Variants in MMP24 observed in about 807,000 individuals in gnomAD.
The protein encoded by MMP24 is matrix metallopeptidase 24, also known as matrix metalloproteinase-24.
In MMP24, 25 loss-of-function variants were observed where a neutral mutation model predicts 62.8. The ratio of observed to expected loss-of-function variants is 0.40; its 90% CI spans 0.29 to 0.56. The LOEUF (loss-of-function observed/expected upper bound fraction) is 0.56, where lower values mean the gene tolerates loss of function less well. Among genes scored for constraint, MMP24 ranks in the 20% least tolerant of loss-of-function variants. MMP24 has a pLI of 0.50. For synonymous variants in MMP24, 319 were observed against 350.5 expected (o/e 0.91, Z 1.00); for missense variants, 634 against 853.6 (o/e 0.74, Z 3.21).
Position 35,226,772 on chromosome 20 carries a change from G to T in MMP24, c.34G>T (p.Gly12Trp). ...GAGCCGGGGCGGCCGCGCCGCGCCG[G>T]GGCCGCCGCCGCCGCCGCCGCCGCC... ...PRSRGGRAAP[G>W]PPPPPPPPGQ... is the part of the protein sequence containing the mutation. The change falls in exon 1 of 9, where the codon GGG becomes TGG. Residue 12 changes from glycine (G) to tryptophan (W), a missense_variant. This residue lies in a region of MMP24 where 212 missense variants were observed against 259.6 expected (regional missense o/e 0.82). Transcript: ENST00000246186. The T allele has an allele frequency of 2.3e-6, 2 of 886,230 alleles. No individual in the cohort carries two copies. The highest frequency in any genetic ancestry group is 2.7e-6 in the Non-Finnish European group (2 of 754,080). 54.9% of individuals were successfully genotyped at this position (886,230 alleles called of 1,614,324 possible). A position where few individuals can be genotyped will look rare whatever the true frequency, so the allele number is the denominator to read the frequency against.
chr20:35,249,592 CT>C (rs573444436), intron 2 of MMP24, among the ~76,000 whole-genome samples: 10,752 of 143,668 alleles, frequency 0.075, 910 homozygotes, highest in African/African-American at 0.22. Context: ...ATAATAATTT[CT>C]TTTTTTTTTT....
chr20:35,228,924 G>A (rs2060426609), intron 1 of MMP24, among the ~76,000 whole-genome samples: 1 of 152,172 alleles, frequency 6.6e-6, no homozygotes, highest in Admixed American at 6.6e-5. Flanking sequence ...CATAAAGGAA[G>A]GTTGGTTTCT....
intron 7 of MMP24, among the ~76,000 whole-genome samples, 181 bp downstream of exon 7, chr20:35,270,079 C>A (rs936827561): frequency 2.6e-5 from 4 of 152,106 alleles, no homozygotes; most frequent in African/African-American, 9.7e-5. Context: ...CTGTATGTGC[C>A]GAGATTGGTG....
intron 1 of MMP24, chr20:35,236,065 C>T (rs1321356255): frequency 6.6e-6 from 1 of 152,224 alleles, no homozygotes; most frequent in Non-Finnish European, 1.5e-5. Flanking sequence ...CAGGGAATTC[C>T]CGCTAGTGCA....
At chr20:35,235,249 C>G (rs1471780376) in intron 1 of MMP24, among the ~76,000 whole-genome samples, 1 of 151,952 alleles carries the variant, frequency 6.6e-6, no homozygotes, top group Non-Finnish European at 1.5e-5. Flanking sequence ...ACAAAAAATA[C>G]AAAGATTAGC....
At chr20:35,242,251 G>C (rs889648251) in intron 1 of MMP24, among the ~76,000 whole-genome samples, 1 of 152,138 alleles carries the variant, frequency 6.6e-6, no homozygotes, top group East Asian at 1.9e-4. Flanking sequence ...AGAATTGCTT[G>C]AACCTGGGAG....
intron 1 of MMP24, among the ~76,000 whole-genome samples, chr20:35,242,743 G>A (rs958368335): frequency 1.3e-5 from 2 of 152,180 alleles, no homozygotes; most frequent in African/African-American, 4.8e-5. Context: ...CAGTCTTCTG[G>A]GAGATGCTGT....
intron 4 of MMP24, among the ~76,000 whole-genome samples, chr20:35,256,928 G>C (rs1209749042): frequency 6.6e-6 from 1 of 152,072 alleles, no homozygotes; most frequent in African/African-American, 2.4e-5. Flanking sequence ...ACCAATGGGG[G>C]TTCTTGTTAT....
Position 35,251,927 on chromosome 20 carries a change from G to T in MMP24, c.418G>T (p.Gly140Cys), listed in dbSNP as rs748814305. ...TIEWMKKPRC[G>C]VPDHPHLSRR... ...CAGGTGGATGAAGAAACCCCGATGT[G>T]GTGTCCCTGATCACCCCCACTTAAG... Residue 140 changes from glycine (G) to cysteine (C), a missense_variant, in exon 3 of 9, where the codon GGT becomes TGT. Physicochemically the swap from Gly to Cys is radical, Grantham distance 159. This residue lies in a region of MMP24 where 212 missense variants were observed against 259.6 expected (regional missense o/e 0.82). Coordinates refer to ENST00000246186, the MANE Select transcript of MMP24 (RefSeq NM_006690.4). 20 of 1,613,936 alleles carry T rather than the reference G, an allele frequency of 1.2e-5. 1 individual carries two copies. In the South Asian group the frequency reaches 2.1e-4, roughly 17 times the overall value.
chr20:35,244,017 A>G (rs2060501111), intron 1 of MMP24, among the ~76,000 whole-genome samples: 1 of 152,210 alleles, frequency 6.6e-6, no homozygotes, highest in Non-Finnish European at 1.5e-5. Context: ...GTATCATCAG[A>G]TGGATTTTAT....
chr20:35,267,536 A>G, intron 6 of MMP24, 117 bp downstream of exon 6: 1 of 1,105,146 alleles, frequency 9.0e-7, no homozygotes, highest in Non-Finnish European at 1.3e-6. Flanking sequence ...GGGCCTGGAC[A>G]GGAGCTAGCC....
Position 35,274,398 on chromosome 20 carries a change from G to T in MMP24, c.1727G>T (p.Arg576Leu). The change falls in exon 9 of 9, where the codon CGG becomes CTG. Residue 576 changes from arginine (R) to leucine (L), a missense_variant. Arg to Leu is a moderately radical substitution (Grantham distance 102). This residue lies in a region of MMP24 where 399 missense variants were observed against 530.8 expected (regional missense o/e 0.75). Coordinates refer to ENST00000246186, the MANE Select transcript of MMP24 (RefSeq NM_006690.4). The surrounding 1 kb of genome is among the most constrained non-coding windows in gnomAD (Gnocchi z 5.1). ...WMGCNQKEVE[R>L]RKERRLPQDD... ...GGCTGCAACCAGAAGGAGGTGGAGC[G>T]GCGGAAGGAGCGGCGGCTGCCCCAG... 1.9e-6 allele frequency: 3 copies of T among 1,613,912 alleles called. No homozygotes were observed. The highest frequency in any genetic ancestry group is 2.5e-6 in the Non-Finnish European group (3 of 1,179,826).
chr20:35,240,200 T>G (rs1239448638), intron 1 of MMP24, among the ~76,000 whole-genome samples: 1 of 152,112 alleles, frequency 6.6e-6, no homozygotes, highest in African/African-American at 2.4e-5. Context: ...CTGTGCACAT[T>G]TTGTTCTCCT....
At chr20:35,230,397 C>T (rs1261802986) in intron 1 of MMP24, among the ~76,000 whole-genome samples, 1 of 152,172 alleles carries the variant, frequency 6.6e-6, no homozygotes, top group Non-Finnish European at 1.5e-5. Context: ...GAACAAAATC[C>T]CTGATTCTCA....
At chr20:35,227,677 T>G (rs1448302187) in intron 1 of MMP24, among the ~76,000 whole-genome samples, 1 of 152,122 alleles carries the variant, frequency 6.6e-6, no homozygotes, top group Non-Finnish European at 1.5e-5. Context: ...GATGCATACA[T>G]CATCATCACA....
intron 2 of MMP24, among the ~76,000 whole-genome samples, chr20:35,248,456 C>G (rs183454184): frequency 1.3e-5 from 2 of 152,146 alleles, no homozygotes; most frequent in Admixed American, 1.3e-4. Flanking sequence ...CAGGCATGTA[C>G]CACCATGCTG....
rs1156728462 is a variant in MMP24, at chr20:35,269,446, G to A, written c.1195-314G>A. ...GACCAGTCTGGCTGATGTCAGTGACGCTCCACTGCCCCCATGTGGCCACTC... is the reference window on the plus strand; with the variant it reads ...GACCAGTCTGGCTGATGTCAGTGACACTCCACTGCCCCCATGTGGCCACTC... On this transcript the variant is annotated intron_variant, in intron 6 of 8. Transcript: ENST00000246186. The surrounding 1 kb of genome is among the most constrained non-coding windows in gnomAD (Gnocchi z 4.6). Among the ~76,000 whole-genome samples the A allele has an allele frequency of 6.6e-6, 1 of 152,152 alleles. No homozygotes were observed. The highest frequency in any genetic ancestry group is 2.4e-5 in the African/African-American group (1 of 41,426).
At chr20:35,250,479 C>T (rs991528325) in intron 2 of MMP24, among the ~76,000 whole-genome samples, 5 of 151,468 alleles carry the variant, frequency 3.3e-5, no homozygotes, top group Non-Finnish European at 7.4e-5. Flanking sequence ...AGGAGAATTG[C>T]TTGAACTTGG....
At chr20:35,248,296 T>C (rs1264755255) in intron 2 of MMP24, among the ~76,000 whole-genome samples, 1 of 146,214 alleles carries the variant, frequency 6.8e-6, no homozygotes, top group Non-Finnish European at 1.5e-5. Flanking sequence ...AAATTCTAGA[T>C]TCCCCCCCCC....
Sources: allele counts gnomAD v4.1 joint callset (sites outside exome capture counted in the v4.1 genomes callset), GRCh38; gene constraint gnomAD v4.1.1; regional missense constraint gnomAD v4.1.1; non-coding constraint Gnocchi (gnomAD v3.1); transcripts MANE v1.5; gene names NCBI Gene and HGNC (gene_info 2026-07-23, HGNC 2026-07-21).